Variants in AUTS2 observed in about 807,000 individuals in gnomAD.
The protein encoded by AUTS2 is autism susceptibility gene 2 protein.
In AUTS2, 17 loss-of-function variants were observed where a neutral mutation model predicts 112.4. The observed-to-expected ratio is 0.15, with a 90% CI of 0.10 to 0.23. The LOEUF is 0.23. Ranked by LOEUF, AUTS2 falls within the 10% of genes least tolerant of loss-of-function variation. The pLI is 1.00. For synonymous variants in AUTS2, 751 were observed against 702.7 expected (o/e 1.07, Z -1.09); for missense variants, 1,510 against 1,701.6 (o/e 0.89, Z 1.98).
At chr7:70,104,818 A>G (rs1238334445) in intron 2 of AUTS2, among the ~76,000 whole-genome samples, 2 of 151,978 alleles carry the variant, frequency 1.3e-5, no homozygotes, top group African/African-American at 2.4e-5. Flanking sequence ...CCCACTGCAT[A>G]TATTTTGTGT....
intron 5 of AUTS2, among the ~76,000 whole-genome samples, chr7:70,695,518 A>T (rs1324171482): frequency 6.6e-6 from 1 of 152,218 alleles, no homozygotes; most frequent in East Asian, 2.0e-4. Context: ...CTCGCGCTTA[A>T]GTTTCCAGGA....
At chr7:69,958,667 G>A (rs1164899340) in intron 2 of AUTS2, among the ~76,000 whole-genome samples, 1 of 152,148 alleles carries the variant, frequency 6.6e-6, no homozygotes, top group Non-Finnish European at 1.5e-5. Flanking sequence ...CTACAAGATG[G>A]CACTGGATTA....
At chr7:69,934,317 A>G (rs1228864145) in intron 2 of AUTS2, among the ~76,000 whole-genome samples, 1 of 152,218 alleles carries the variant, frequency 6.6e-6, no homozygotes, top group Non-Finnish European at 1.5e-5. Context: ...TCATAGTGGC[A>G]TGTTCCTGTC....
intron 5 of AUTS2, among the ~76,000 whole-genome samples, chr7:70,543,771 GC>G (rs1329779890): frequency 6.6e-6 from 1 of 152,124 alleles, no homozygotes; most frequent in Non-Finnish European, 1.5e-5. Flanking sequence ...TTAAAAATAG[GC>G]AAAGGTAAAA....
chr7:69,623,638 TG>T (rs1793791427), intron 1 of AUTS2, among the ~76,000 whole-genome samples: 1 of 152,162 alleles, frequency 6.6e-6, no homozygotes, highest in African/African-American at 2.4e-5. Context: ...AGTGTTTTCC[TG>T]GGGCAGTGGT....
chr7:70,681,112 TAG>T (rs1258562240), intron 5 of AUTS2, among the ~76,000 whole-genome samples: 1 of 152,182 alleles, frequency 6.6e-6, no homozygotes, highest in Admixed American at 6.5e-5. Context: ...GTGAATTTCT[TAG>T]AGTGTTCCAG....
chr7:69,892,549 C>G (rs894383585), intron 1 of AUTS2, among the ~76,000 whole-genome samples: 4 of 152,154 alleles, frequency 2.6e-5, no homozygotes, highest in African/African-American at 7.2e-5. Flanking sequence ...ATCTTTTACT[C>G]TCCTGGTAAC....
chr7:70,636,472 C>T (rs1011533536), intron 5 of AUTS2, among the ~76,000 whole-genome samples: 4 of 152,066 alleles, frequency 2.6e-5, no homozygotes, highest in South Asian at 2.1e-4. Flanking sequence ...AGGTGGAAAC[C>T]GTAGGTATCA....
intron 2 of AUTS2, among the ~76,000 whole-genome samples, chr7:70,114,196 G>T (rs901066423): frequency 1.3e-5 from 2 of 152,186 alleles, no homozygotes; most frequent in South Asian, 2.1e-4. Flanking sequence ...TCTCACAACA[G>T]AGAGTGGGTT....
chr7:70,586,440 G>A (rs1802694135), intron 5 of AUTS2, among the ~76,000 whole-genome samples: 1 of 137,204 alleles, frequency 7.3e-6, no homozygotes, highest in African/African-American at 2.5e-5. Context: ...AACAGAGAAT[G>A]GTTTCATTAA....
rs544057625 is a variant in AUTS2 at position 70,432,186 on chromosome 7, C to T, written c.661-3566C>T. On this transcript the variant is annotated intron_variant, in intron 4 of 18. Coordinates refer to ENST00000342771, the MANE Select transcript of AUTS2 (RefSeq NM_015570.4). ...TTGCTAATAAACCAAAGCAGGACCC[C>T]GATGTCAAAATGCTTAAAATGGTCA... Among the ~76,000 whole-genome samples, 5 of 152,280 alleles carry T rather than the reference C, an allele frequency of 3.3e-5. No individual in the cohort carries two copies. In the East Asian group the frequency reaches 5.8e-4, roughly 18 times the overall value.
intron 1 of AUTS2, among the ~76,000 whole-genome samples, chr7:69,601,466 G>A (rs1784383537): frequency 6.6e-6 from 1 of 152,074 alleles, no homozygotes; most frequent in South Asian, 2.1e-4. Flanking sequence ...TCCTATCAGT[G>A]TTGTCCTTTT....
At position 69,599,646 on chromosome 7, in the gene AUTS2, G is replaced by T; in HGVS notation, c.-8G>T. ...GGGCAAGCGGGGAGACCCCGGCGCA[G>T]CAGAACCATGGATGGCCCGACGCGG... On this transcript the variant is annotated 5_prime_UTR_variant, in exon 1 of 19. Coordinates refer to ENST00000342771, the MANE Select transcript of AUTS2 (RefSeq NM_015570.4). This position sits in a 1 kb window ranked among gnomAD's most constrained non-coding sequence, Gnocchi z 7.0. The T allele has an allele frequency of 1.5e-6, 2 of 1,290,876 alleles. No individual in the cohort carries two copies. The highest frequency in any genetic ancestry group is 4.2e-5 in the Admixed American group (1 of 23,942). 80.0% of individuals were successfully genotyped at this position (1,290,876 alleles called of 1,614,324 possible).
intron 5 of AUTS2, among the ~76,000 whole-genome samples, chr7:70,590,156 A>ATG (rs1180213474): frequency 1.0e-5 from 1 of 97,560 alleles, no homozygotes; most frequent in Non-Finnish European, 2.2e-5. Context: ...GTGTGTATGT[A>ATG]TGTATATATA....
At chr7:70,750,269 G>C (rs1171130795) in intron 6 of AUTS2, among the ~76,000 whole-genome samples, 3 of 152,076 alleles carry the variant, frequency 2.0e-5, no homozygotes, top group African/African-American at 7.2e-5. Context: ...GGTGCGGAGA[G>C]TATGTGTGTG....
intron 4 of AUTS2, among the ~76,000 whole-genome samples, chr7:70,300,799 T>G (rs1415472951): frequency 1.3e-5 from 2 of 152,210 alleles, no homozygotes; most frequent in Non-Finnish European, 2.9e-5. Context: ...GGTGGGCTTT[T>G]GGGATGTAGA....
chr7:70,001,582 G>C (rs1305992131), intron 2 of AUTS2, among the ~76,000 whole-genome samples: 1 of 152,076 alleles, frequency 6.6e-6, no homozygotes, highest in Non-Finnish European at 1.5e-5. Context: ...TAACTAAATG[G>C]GAAAGTAAGG....
At chr7:70,103,575 G>C (rs1031941724) in intron 2 of AUTS2, among the ~76,000 whole-genome samples, 3 of 152,002 alleles carry the variant, frequency 2.0e-5, no homozygotes, top group Admixed American at 6.6e-5. Flanking sequence ...AAATATTTAC[G>C]TGAGGATTAA....
intron 4 of AUTS2, among the ~76,000 whole-genome samples, chr7:70,361,209 C>T (rs1038273257): frequency 6.6e-6 from 1 of 151,902 alleles, no homozygotes; most frequent in East Asian, 1.9e-4. Context: ...GGCGGACGCC[C>T]GTAGTCCCAG....
Sources: allele counts gnomAD v4.1 joint callset (sites outside exome capture counted in the v4.1 genomes callset), GRCh38; gene constraint gnomAD v4.1.1; non-coding constraint Gnocchi (gnomAD v3.1); transcripts MANE v1.5; gene names NCBI Gene and HGNC (gene_info 2026-07-23, HGNC 2026-07-21).